SCN10A: variants seen among roughly 807,000 people sequenced by gnomAD.
SCN10A encodes sodium voltage-gated channel alpha subunit 10.
In SCN10A, 162 loss-of-function variants were observed where a neutral mutation model predicts 170.7. The observed-to-expected ratio is 0.95, with a 90% CI of 0.84 to 1.08. SCN10A has a LOEUF of 1.08. SCN10A is among the 50% of genes least tolerant of loss of function. The pLI is 0.00. For missense variants in SCN10A, 2,527 were observed against 2,436.9 expected (o/e 1.04, Z -0.78); for synonymous variants, 985 against 904.6 (o/e 1.09, Z -1.59).
intron 10 of SCN10A, 112 bp downstream of exon 10, chr3:38,756,562 A>C: frequency 1.2e-6 from 1 of 837,460 alleles, no homozygotes. Flanking sequence ...AGGCAAGATG[A>C]TTCCTCCTAT....
At position 38,752,267 on chromosome 3, in the gene SCN10A, G is replaced by T; in HGVS notation, c.1707C>A (p.His569Gln). 6.3e-7 allele frequency: 1 copy of T among 1,588,510 alleles called. No homozygotes were observed. The highest frequency in any genetic ancestry group is 8.6e-7 in the Non-Finnish European group (1 of 1,167,096). Residue 569 changes from histidine to glutamine, a missense_variant, in exon 12 of 28, where the codon CAC (histidine) becomes CAA (glutamine). Physicochemically the swap from His to Gln is conservative, Grantham distance 24. Coordinates refer to ENST00000449082, the MANE Select transcript of SCN10A (RefSeq NM_006514.4). ...NPDSRHGEDE[H>Q]QPPPTSELAP... is the part of the protein sequence containing the mutation. Reference sequence around the variant, plus strand: ...CAAGCTCACTAGTGGGCGGCGGTTGGTGTTCATCTTCTCCATGCCTGGAGT... The same window carrying T: ...CAAGCTCACTAGTGGGCGGCGGTTGTTGTTCATCTTCTCCATGCCTGGAGT...
chr3:38,783,979 G>A (rs912055890), intron 4 of SCN10A, among the ~76,000 whole-genome samples: 1 of 152,022 alleles, frequency 6.6e-6, no homozygotes, highest in African/African-American at 2.4e-5. Flanking sequence ...ACTTTCATAT[G>A]TTTATGGCCA....
chr3:38,718,843 A>G lies in SCN10A; in HGVS notation c.3508-17T>C, dbSNP rs758362118. On this transcript the variant is annotated splice_polypyrimidine_tract_variant and intron_variant, in intron 20 of 27. Transcript: ENST00000449082. The stretch of plus-strand genomic sequence containing the variant: ...TTCAAAGGCCTGGAAGGAAGAAAGG[A>G]TGCAGAATGGCAGGCTGCCTGGACC... 7.4e-6 allele frequency: 12 copies of G among 1,612,682 alleles called. No homozygotes were observed. The South Asian group carries it at 1.3e-4, about 18-fold the overall frequency.
intron 25 of SCN10A, 146 bp from the exon 26 acceptor site, chr3:38,707,529 G>A: frequency 3.8e-6 from 3 of 780,008 alleles, no homozygotes; most frequent in Non-Finnish European, 6.2e-6. Flanking sequence ...GGAGTGTCTT[G>A]CCACATCCAG....
At chr3:38,709,140 T>TC (rs1175698207) in intron 25 of SCN10A, among the ~76,000 whole-genome samples, 1 of 152,088 alleles carries the variant, frequency 6.6e-6, no homozygotes, top group African/African-American at 2.4e-5. Flanking sequence ...GGGGATCATA[T>TC]CCCCCAACAG....
chr3:38,792,087 G>C lies in SCN10A; in HGVS notation c.352C>G (p.Leu118Val), dbSNP rs989355332. 6.2e-7 allele frequency: 1 copy of C among 1,613,736 alleles called. No individual in the cohort carries two copies. The highest frequency in any genetic ancestry group is 1.3e-5 in the African/African-American group (1 of 74,870). Residue 118 changes from leucine to valine, a missense_variant, in exon 3 of 28, where the codon CTG (leucine) becomes GTG (valine). Transcript: ENST00000449082. ...ACTTTGATGGCCGTTCTTCTGATCA[G>C]GTTGAAAGGACTGAATAGCCACAGG... The part of the protein sequence containing the change: ...RALWLFSPFN[L>V]IRRTAIKVSV...
rs1553619550 is a variant in SCN10A at position 38,746,063 on chromosome 3, GTATATATATATATATATATA to G, written c.1868-3554_1868-3535del. On this transcript the variant is annotated intron_variant, in intron 13 of 27. Coordinates refer to ENST00000449082, the MANE Select transcript of SCN10A (RefSeq NM_006514.4). ...TACATATATATATGTGTGTGTATGT[GTATATATATATATATATATA>G]TATATATATATATATATGCCATCTT... Among the ~76,000 whole-genome samples, 19 of 61,672 alleles carry G rather than the reference GTATATATATATATATATATA, an allele frequency of 3.1e-4. 1 individual carries two copies. Among genetic ancestry groups the G allele is most frequent in the Middle Eastern group, 0.013 (1 of 78 alleles). 40.5% of individuals were successfully genotyped at this position (61,672 alleles called of 152,430 possible).
At chr3:38,772,409 G>A (rs528749741) in intron 4 of SCN10A, among the ~76,000 whole-genome samples, 2 of 152,106 alleles carry the variant, frequency 1.3e-5, no homozygotes, top group African/African-American at 4.8e-5. Context: ...AACTGTATTG[G>A]CCAGGCGCTG....
intron 14 of SCN10A, among the ~76,000 whole-genome samples, chr3:38,741,948 T>C (rs1327243780): frequency 6.6e-6 from 1 of 152,204 alleles, no homozygotes; most frequent in Non-Finnish European, 1.5e-5. Context: ...GTGACATTTA[T>C]CCTCATTTCA....
intron 17 of SCN10A, 133 bp from the exon 18 acceptor site, chr3:38,725,447 A>G (rs1006481252): frequency 7.3e-6 from 5 of 680,996 alleles, no homozygotes; most frequent in African/African-American, 1.8e-5. Context: ...ACATACATAT[A>G]TACATACACG....
At position 38,712,172 on chromosome 3, in the gene SCN10A, G is replaced by A; in HGVS notation, c.4078C>T (p.Leu1360Phe). 6.2e-7 allele frequency: 1 copy of A among 1,613,862 alleles called. No homozygotes were observed. The highest frequency in any genetic ancestry group is 8.5e-7 in the Non-Finnish European group (1 of 1,179,698). Residue 1360 changes from leucine (L) to phenylalanine (F), a missense_variant, in exon 23 of 28, where the codon CTT becomes TTT. Transcript: ENST00000449082. ...CATGGTTGACTCACCACCTGCAGAAGTGCAAGGTAACCCATTGCAACATTA... is the reference window on the plus strand; with the variant it reads ...CATGGTTGACTCACCACCTGCAGAAATGCAAGGTAACCCATTGCAACATTA... ...FDNVAMGYLA[L>F]LQVATFKGWM...
intron 21 of SCN10A, among the ~76,000 whole-genome samples, chr3:38,718,038 C>A (rs62242434): frequency 6.6e-6 from 1 of 152,036 alleles, no homozygotes; most frequent in Non-Finnish European, 1.5e-5. Flanking sequence ...TCTCCAAATG[C>A]GCCCTCTGTT....
At chr3:38,755,685 C>T (rs911777769) in intron 11 of SCN10A, 103 bp downstream of exon 11, 1 of 1,358,594 alleles carries the variant, frequency 7.4e-7, no homozygotes, top group Non-Finnish European at 1.0e-6. Context: ...AGGCTCTATG[C>T]CTCCAGCTCT....
intron 1 of SCN10A, among the ~76,000 whole-genome samples, chr3:38,815,567 G>C (rs1050022326): frequency 1.3e-5 from 2 of 152,178 alleles, no homozygotes; most frequent in Non-Finnish European, 2.9e-5. Context: ...TGCTGAAGCT[G>C]TGTATCACCA....
At chr3:38,726,491 T>G in intron 17 of SCN10A, 115 bp downstream of exon 17, 1 of 792,168 alleles carries the variant, frequency 1.3e-6, no homozygotes, top group Non-Finnish European at 1.9e-6. Flanking sequence ...AAGCTTGGCA[T>G]GGTTTAAACT....
intron 24 of SCN10A, 80 bp from the exon 25 acceptor site, chr3:38,709,695 G>T: frequency 7.7e-7 from 1 of 1,295,582 alleles, no homozygotes; most frequent in South Asian, 1.9e-5. Flanking sequence ...CCTAAGACAT[G>T]GACCTGGGTG....
rs1326369873 is a variant in SCN10A, at chr3:38,728,705, T to C, written c.2477A>G (p.Asp826Gly). Residue 826 changes from aspartate to glycine, a missense_variant, in exon 16 of 28, where the codon GAC becomes GGC. Physicochemically the swap from Asp to Gly is moderately conservative, Grantham distance 94. Transcript: ENST00000449082. ...GTCGTGCATGTGCCAGCGGGGCCAGTCTTCATGGGGCGCGGAGATATTTTT... is the reference window on the plus strand; with the variant it reads ...GTCGTGCATGTGCCAGCGGGGCCAGCCTTCATGGGGCGCGGAGATATTTTT... ...NRKNISAPHEDWPRWHMHDFF... is the reference protein window; with the variant it reads ...NRKNISAPHEGWPRWHMHDFF... 3.7e-6 allele frequency: 6 copies of C among 1,613,980 alleles called. No individual in the cohort carries two copies. The African/African-American group carries it at 6.7e-5, about 18-fold the overall frequency.
intron 14 of SCN10A, 123 bp from the exon 15 acceptor site, chr3:38,739,811 A>G (rs975461363): frequency 1.3e-6 from 1 of 793,180 alleles, no homozygotes; most frequent in Non-Finnish European, 2.0e-6. Context: ...TTCAGTTGCT[A>G]TGTTATCTGT....
chr3:38,773,911 G>T (rs1203249308), intron 4 of SCN10A, among the ~76,000 whole-genome samples: 2 of 152,096 alleles, frequency 1.3e-5, no homozygotes, highest in Admixed American at 6.5e-5. Context: ...AGTATTATGA[G>T]TATATTATTG....
Sources: allele counts gnomAD v4.1 joint callset (sites outside exome capture counted in the v4.1 genomes callset), GRCh38; gene constraint gnomAD v4.1.1; transcripts MANE v1.5; gene names NCBI Gene and HGNC (gene_info 2026-07-23, HGNC 2026-07-21).